Variants in RFT1 observed in about 807,000 individuals in gnomAD.
RFT1 encodes the protein man(5)GlcNAc(2)-PP-dolichol translocation protein RFT1.
Under a neutral mutation model 62.2 loss-of-function variants are expected in RFT1, and 43 were observed. The ratio of observed to expected loss-of-function variants is 0.69; its 90% CI spans 0.54 to 0.89. The LOEUF (loss-of-function observed/expected upper bound fraction) is 0.89, where lower values mean the gene tolerates loss of function less well. RFT1 is among the 40% of genes least tolerant of loss of function. The pLI is 0.00. For synonymous variants in RFT1, 262 were observed against 264.6 expected (o/e 0.99, Z 0.10); for missense variants, 605 against 649.9 (o/e 0.93, Z 0.75).
At chr3:53,074,705 C>A in the RFT1 span, among the ~76,000 whole-genome samples, 1 of 152,192 alleles carries the variant, frequency 6.6e-6, no homozygotes, top group Admixed American at 6.5e-5. Flanking sequence ...ATAGAAGTAT[C>A]AGCTTTGCTT....
chr3:53,110,612 G>C (rs1304264737), intron 7 of RFT1, among the ~76,000 whole-genome samples: 1 of 152,166 alleles, frequency 6.6e-6, no homozygotes, highest in African/African-American at 2.4e-5. Context: ...AGGCATAGGG[G>C]GAGTTGCTTT....
intron 11 of RFT1, among the ~76,000 whole-genome samples, chr3:53,094,476 G>C (rs1701086862): frequency 6.6e-6 from 1 of 152,074 alleles, no homozygotes. Context: ...AGTCCAGAGA[G>C]AGTCTCTTTT....
intron 11 of RFT1, among the ~76,000 whole-genome samples, chr3:53,098,765 G>A (rs1260731987): frequency 8.6e-6 from 1 of 116,318 alleles, no homozygotes; most frequent in Non-Finnish European, 1.6e-5. Context: ...CTGCGCCACT[G>A]CACTCAAGCC....
chr3:53,125,427 T>C (rs1702082047), intron 2 of RFT1, among the ~76,000 whole-genome samples: 1 of 152,120 alleles, frequency 6.6e-6, no homozygotes, highest in African/African-American at 2.4e-5. Context: ...AAGAAACTGA[T>C]GACAAAGACT....
At chr3:53,130,245 G>T (rs1167274615) in intron 1 of RFT1, 93 bp downstream of exon 1, 5 of 1,295,620 alleles carry the variant, frequency 3.9e-6, no homozygotes, top group African/African-American at 2.9e-5. Context: ...TCGGGACTGG[G>T]TCGGCCCTGG....
rs537443006 is a variant in RFT1 at position 53,091,014 on chromosome 3, G to A, written c.*889C>T. The A allele has an allele frequency of 3.9e-5, 6 of 152,388 alleles. No individual in the cohort carries two copies. The highest frequency in any genetic ancestry group is 7.3e-5 in the Non-Finnish European group (5 of 68,060). The allele number at this position is 152,388 out of a possible 1,614,324, so 9.4% of individuals were successfully genotyped here. A position where few individuals can be genotyped will look rare whatever the true frequency, so the allele number is the denominator to read the frequency against. On this transcript the variant is annotated 3_prime_UTR_variant, in exon 13 of 13. Coordinates refer to ENST00000296292, the MANE Select transcript of RFT1 (RefSeq NM_052859.4). ...AGAGTTTGCCTTGTCTTATTCTGAG[G>A]ATAAAAAAGTACATCTGTTAAACCT...
At chr3:53,095,477 T>C (rs1382958452) in intron 11 of RFT1, among the ~76,000 whole-genome samples, 1 of 152,114 alleles carries the variant, frequency 6.6e-6, no homozygotes, top group Non-Finnish European at 1.5e-5. Flanking sequence ...TTTGGGAGGC[T>C]AAGGCAGGCA....
At chr3:53,073,525 G>A in the RFT1 span, among the ~76,000 whole-genome samples, 4 of 152,222 alleles carry the variant, frequency 2.6e-5, no homozygotes, top group Non-Finnish European at 4.4e-5. Context: ...ATGGAGCCAC[G>A]GGCTGAGGCT....
the RFT1 span, among the ~76,000 whole-genome samples, chr3:53,079,140 T>C: frequency 6.6e-6 from 1 of 152,128 alleles, no homozygotes; most frequent in Admixed American, 6.6e-5. Flanking sequence ...TCCTGCACAG[T>C]TGAAGGGAAT....
chr3:53,093,657 G>C (rs6808626), intron 11 of RFT1, among the ~76,000 whole-genome samples: 7,855 of 152,104 alleles, frequency 0.052, 682 homozygotes, highest in African/African-American at 0.18. Context: ...GTGGTGGGAG[G>C]ATTGCTTGAG....
intron 5 of RFT1, 87 bp from the exon 6 acceptor site, chr3:53,120,108 C>G: frequency 9.0e-7 from 1 of 1,109,484 alleles, no homozygotes; most frequent in Non-Finnish European, 1.3e-6. Flanking sequence ...AGTAATAGAA[C>G]TCTCTTGATT....
the RFT1 span, among the ~76,000 whole-genome samples, chr3:53,082,268 G>C: frequency 6.6e-6 from 1 of 152,130 alleles, no homozygotes; most frequent in Non-Finnish European, 1.5e-5. Context: ...CTTGAGGCCA[G>C]GAGTTCAAAA....
At position 53,095,507 on chromosome 3, in the gene RFT1, T is replaced by C. The variant is rs562694634; in HGVS notation, c.1209-2889A>G. Among the ~76,000 whole-genome samples the C allele has an allele frequency of 2.6e-5, 4 of 151,356 alleles. No individual in the cohort carries two copies. In the East Asian group the frequency reaches 7.8e-4, roughly 29 times the overall value. ...CAGGCAGATCGCTTGAGCCCAGGAGTTGGAGACCAGCCTGGGAAACATGGT... is the reference window on the plus strand; with the variant it reads ...CAGGCAGATCGCTTGAGCCCAGGAGCTGGAGACCAGCCTGGGAAACATGGT... On this transcript the variant is annotated intron_variant, in intron 11 of 12. Coordinates refer to ENST00000296292, the MANE Select transcript of RFT1 (RefSeq NM_052859.4).
At chr3:53,126,715 A>G (rs1702120332) in intron 1 of RFT1, among the ~76,000 whole-genome samples, 1 of 152,242 alleles carries the variant, frequency 6.6e-6, no homozygotes, top group South Asian at 2.1e-4. Context: ...TGTCAATTCA[A>G]GAAAACCATC....
At chr3:53,124,673 T>C (rs903768603) in intron 2 of RFT1, among the ~76,000 whole-genome samples, 7 of 152,130 alleles carry the variant, frequency 4.6e-5, no homozygotes, top group African/African-American at 1.7e-4. Context: ...TAAAACAGTA[T>C]TTCTTAGGGC....
intron 4 of RFT1, 116 bp downstream of exon 4, chr3:53,122,258 C>T (rs571298590): frequency 5.4e-5 from 54 of 1,000,540 alleles, no homozygotes; most frequent in Non-Finnish European, 8.1e-5. Flanking sequence ...TTTCTAAATA[C>T]ATTTTTAGGT....
chr3:53,070,378 C>G, the RFT1 span, among the ~76,000 whole-genome samples: 2 of 147,282 alleles, frequency 1.4e-5, no homozygotes, highest in African/African-American at 5.0e-5. Context: ...CCACCATGAC[C>G]AGCCCTGTAT....
chr3:53,110,143 T>A (rs1701605794), intron 7 of RFT1, among the ~76,000 whole-genome samples: 1 of 152,198 alleles, frequency 6.6e-6, no homozygotes, highest in African/African-American at 2.4e-5. Flanking sequence ...TTTAGGGCCA[T>A]CACTTGGACT....
chr3:53,101,251 G>A (rs1701304108), intron 10 of RFT1, among the ~76,000 whole-genome samples: 2 of 152,144 alleles, frequency 1.3e-5, no homozygotes, highest in African/African-American at 4.8e-5. Flanking sequence ...GAAGTAGCCT[G>A]GCCCCCACCC....
Sources: gnomAD v4.1 joint callset for allele counts (sites outside exome capture counted in the v4.1 genomes callset) on GRCh38, gnomAD v4.1.1 for gene constraint, MANE v1.5 for transcripts, NCBI Gene and HGNC (gene_info 2026-07-23, HGNC 2026-07-21) for gene names.